ZNF385B: variants seen among roughly 807,000 people sequenced by gnomAD.
ZNF385B encodes the protein zinc finger protein 533.
In ZNF385B, 23 loss-of-function variants were observed where a neutral mutation model predicts 39.2. The ratio of observed to expected loss-of-function variants is 0.59; its 90% CI spans 0.42 to 0.83. The LOEUF is 0.83. Ranked by LOEUF, ZNF385B falls within the 40% of genes least tolerant of loss-of-function variation. The probability of loss-of-function intolerance (pLI) is 0.00; values close to 1 mark genes in which losing one functional copy is unlikely to be tolerated. For synonymous variants in ZNF385B, 205 were observed against 222.6 expected (o/e 0.92, Z 0.70); for missense variants, 552 against 598.9 (o/e 0.92, Z 0.82).
In ZNF385B at chr2:179,605,381, A is replaced by C. The variant is rs1211013916; in HGVS notation, c.299-60412T>G. Among the ~76,000 whole-genome samples the C allele has an allele frequency of 3.3e-5, 5 of 152,108 alleles. No homozygotes were observed. In the East Asian group the frequency reaches 9.6e-4, roughly 29 times the overall value. ...TACAAACTTGAAGTGTCACTTTCTA[A>C]ATGTGAAAAAAACTGAAAATTGTAT... On this transcript the variant is annotated intron_variant, in intron 3 of 9. Coordinates refer to ENST00000410066, the MANE Select transcript of ZNF385B (RefSeq NM_152520.6).
At position 179,746,030 on chromosome 2, in the gene ZNF385B, A is replaced by C. The variant is rs1187329209; in HGVS notation, c.298+23473T>G. ...AATTCTATATCTCCATGTGTGCTGAAACCAGAAGCACTGTCAATGTACAAG... is the reference window on the plus strand; with the variant it reads ...AATTCTATATCTCCATGTGTGCTGACACCAGAAGCACTGTCAATGTACAAG... On this transcript the variant is annotated intron_variant, in intron 3 of 9. Transcript: ENST00000410066. 3 of 1,094,882 alleles carry C rather than the reference A, an allele frequency of 2.7e-6. No individual in the cohort carries two copies. The African/African-American group carries it at 4.9e-5, about 18-fold the overall frequency. 67.8% of individuals were successfully genotyped at this position (1,094,882 alleles called of 1,614,324 possible).
chr2:179,806,072 C>A (rs1435674911), intron 1 of ZNF385B, among the ~76,000 whole-genome samples: 1 of 151,840 alleles, frequency 6.6e-6, no homozygotes, highest in Non-Finnish European at 1.5e-5. Context: ...TTAAATATAA[C>A]CATACTAAAA....
At chr2:179,860,617 G>A (rs967394985) in intron 1 of ZNF385B, among the ~76,000 whole-genome samples, 1 of 152,044 alleles carries the variant, frequency 6.6e-6, no homozygotes, top group African/African-American at 2.4e-5. Context: ...TTCTGCTGCA[G>A]AACTCTCCCA....
chr2:179,526,871 C>T (rs2058939291), intron 4 of ZNF385B, among the ~76,000 whole-genome samples: 2 of 152,280 alleles, frequency 1.3e-5, no homozygotes, highest in South Asian at 2.1e-4. Context: ...TTCAAGAATC[C>T]CCAGCTCTTT....
At chr2:179,451,029 T>C (rs1277470853) in intron 6 of ZNF385B, among the ~76,000 whole-genome samples, 1 of 141,654 alleles carries the variant, frequency 7.1e-6, no homozygotes, top group African/African-American at 2.7e-5. Flanking sequence ...ATGTTCTCAC[T>C]CATAGGTGGG....
At position 179,680,501 on chromosome 2, in the gene ZNF385B, CAG is replaced by C. The variant is rs570102788; in HGVS notation, c.298+89000_298+89001del. ...TAGGATAGTAGTTATTGGTTTATAACAGAGCATACGGGGACCTTCTGATTGCT... is the reference window on the plus strand; with the variant it reads ...TAGGATAGTAGTTATTGGTTTATAACAGCATACGGGGACCTTCTGATTGCT... On this transcript the variant is annotated intron_variant, in intron 3 of 9. Coordinates refer to ENST00000410066, the MANE Select transcript of ZNF385B (RefSeq NM_152520.6). Among the ~76,000 whole-genome samples, 817 of 152,184 alleles carry C rather than the reference CAG, an allele frequency of 5.4e-3. 8 individuals are homozygous for C. The highest frequency in any genetic ancestry group is 0.019 in the African/African-American group (777 of 41,556).
chr2:179,753,048 A>AGGG (rs1365952694), intron 3 of ZNF385B, among the ~76,000 whole-genome samples: 1 of 152,176 alleles, frequency 6.6e-6, no homozygotes, highest in Non-Finnish European at 1.5e-5. Context: ...GTTTTCTTCT[A>AGGG]GGGTTTTTAT....
intron 1 of ZNF385B, among the ~76,000 whole-genome samples, chr2:179,844,250 T>C (rs996833576): frequency 7.2e-5 from 11 of 152,220 alleles, no homozygotes; most frequent in African/African-American, 2.4e-4. Context: ...TTTCTTCATC[T>C]GTAAAAAAAA....
At chr2:179,608,863 TGTGTGTG>T (rs1689052013) in intron 3 of ZNF385B, among the ~76,000 whole-genome samples, 1 of 147,878 alleles carries the variant, frequency 6.8e-6, no homozygotes, top group Non-Finnish European at 1.5e-5. Context: ...TGTGTGTGTG[TGTGTGTG>T]TGTGTGTGTG....
chr2:179,615,383 A>T (rs1689648134), intron 3 of ZNF385B, among the ~76,000 whole-genome samples: 2 of 152,190 alleles, frequency 1.3e-5, no homozygotes, highest in African/African-American at 4.8e-5. Flanking sequence ...AATATCCCAG[A>T]ACTTGTTAAA....
chr2:179,693,297 GTTATAC>G (rs1698491014), intron 3 of ZNF385B, among the ~76,000 whole-genome samples: 1 of 152,284 alleles, frequency 6.6e-6, no homozygotes. Context: ...CCTTTTGTGA[GTTATAC>G]TCTTTTAGTT....
chr2:179,768,510 G>A (rs566292073), intron 3 of ZNF385B, among the ~76,000 whole-genome samples: 34 of 152,250 alleles, frequency 2.2e-4, no homozygotes, highest in Admixed American at 5.2e-4. Flanking sequence ...AACACACCAA[G>A]AACCATGTAA....
At chr2:179,493,647 GCGTATA>G (rs1309197829) in intron 5 of ZNF385B, among the ~76,000 whole-genome samples, 6 of 105,532 alleles carry the variant, frequency 5.7e-5, no homozygotes, top group Admixed American at 1.2e-4. Flanking sequence ...ATACACATAT[GCGTATA>G]CATATATGTA....
chr2:179,535,550 C>T (rs569997794), intron 4 of ZNF385B, among the ~76,000 whole-genome samples: 79 of 152,096 alleles, frequency 5.2e-4, no homozygotes, highest in Non-Finnish European at 9.7e-4. Context: ...AAGGGCACAA[C>T]AATGACACAT....
chr2:179,458,420 G>A (rs2105457281), intron 6 of ZNF385B, among the ~76,000 whole-genome samples: 1 of 152,272 alleles, frequency 6.6e-6, no homozygotes, highest in East Asian at 1.9e-4. Context: ...TCCATTAAAT[G>A]TCTTTCATTT....
At chr2:179,663,470 G>A (rs371517350) in intron 3 of ZNF385B, among the ~76,000 whole-genome samples, 1 of 152,072 alleles carries the variant, frequency 6.6e-6, no homozygotes, top group Non-Finnish European at 1.5e-5. Flanking sequence ...CAGCACTTTG[G>A]GAGGCCGAGG....
At chr2:179,472,072 C>T (rs944916825) in intron 6 of ZNF385B, among the ~76,000 whole-genome samples, 10 of 151,924 alleles carry the variant, frequency 6.6e-5, no homozygotes, top group South Asian at 2.1e-4. Context: ...GTATAGAATC[C>T]GGGAAGAGGA....
chr2:179,855,779 G>C (rs981540767), intron 1 of ZNF385B, among the ~76,000 whole-genome samples: 9 of 152,170 alleles, frequency 5.9e-5, no homozygotes, highest in East Asian at 1.9e-4. Flanking sequence ...GTGATAAACA[G>C]CTACTACCAT....
At chr2:179,774,033 T>C in intron 1 of ZNF385B, among the ~76,000 whole-genome samples, 1 of 152,016 alleles carries the variant, frequency 6.6e-6, no homozygotes, top group East Asian at 1.9e-4. Flanking sequence ...GTTTGTGGTC[T>C]GTGGTACATG....
Sources: allele counts gnomAD v4.1 joint callset (sites outside exome capture counted in the v4.1 genomes callset), GRCh38; gene constraint gnomAD v4.1.1; transcripts MANE v1.5; gene names NCBI Gene and HGNC (gene_info 2026-07-23, HGNC 2026-07-21).